The following RORC variants were observed in gnomAD, a reference collection of about 807,000 sequenced individuals.
RORC encodes RAR related orphan receptor C.
Under a neutral mutation model 64.5 loss-of-function variants are expected in RORC, and 13 were observed. The observed-to-expected ratio is 0.20, with a 90% confidence interval of 0.13 to 0.32. RORC has a LOEUF of 0.32. RORC is among the 10% of genes least tolerant of loss of function. The pLI, the probability that RORC is intolerant of heterozygous loss-of-function variation, is 1.00. For synonymous variants in RORC, 277 were observed against 259.3 expected, an observed-to-expected ratio of 1.07 and a Z score of -0.65; for missense variants, 468 against 669.5, an observed-to-expected ratio of 0.70 and a Z score of 3.32.
chr1:151,816,784 G>T lies in RORC; in HGVS notation c.178C>A (p.Arg60Ser). The change falls in exon 4 of 11, where the codon CGC (arginine) becomes AGC (serine). Residue 60 changes from arginine (R) to serine (S), a missense_variant. Arg to Ser is a moderately radical substitution (Grantham distance 110). Around this residue, in one of 5 missense-constraint regions of RORC, gnomAD observed 241 missense variants for 295.5 expected, o/e 0.82. Coordinates refer to ENST00000318247, the MANE Select transcript of RORC (RefSeq NM_005060.4). ...GCKGFFRRSQ[R>S]CNAAYSCTRQ... Reference sequence around the variant, plus strand: ...GTGCAGGAGTAGGCCGCGTTACAGCGCTGGCTCCGGCGGAAGAAGCCCTGG... The same window carrying T: ...GTGCAGGAGTAGGCCGCGTTACAGCTCTGGCTCCGGCGGAAGAAGCCCTGG... 3 of 1,550,648 alleles carry T rather than the reference G, an allele frequency of 1.9e-6. No homozygotes were observed. Among genetic ancestry groups the T allele is most frequent in the Non-Finnish European group, 2.6e-6 (3 of 1,142,878 alleles).
intron 9 of RORC, chr1:151,812,288 C>T (rs1651567542): frequency 6.6e-6 from 1 of 152,180 alleles, no homozygotes; most frequent in African/African-American, 2.4e-5. Context: ...AGAAACCATA[C>T]TTTGAATACC....
chr1:151,819,940 G>C (rs1176447159), intron 2 of RORC, among the ~76,000 whole-genome samples: 1 of 152,176 alleles, frequency 6.6e-6, no homozygotes. Context: ...AAGACTCTGA[G>C]CTAGAATGTC....
At chr1:151,809,701 C>T (rs2101651666) in intron 10 of RORC, among the ~76,000 whole-genome samples, 1 of 152,314 alleles carries the variant, frequency 6.6e-6, no homozygotes, top group East Asian at 1.9e-4. Flanking sequence ...TCCTTCAAAT[C>T]CATCCTGTAG....
chr1:151,826,559 T>G (rs1390387290), intron 2 of RORC, among the ~76,000 whole-genome samples: 1 of 152,150 alleles, frequency 6.6e-6, no homozygotes, highest in Non-Finnish European at 1.5e-5. Flanking sequence ...ACCACTCCCA[T>G]GCCCACGCTC....
intron 9 of RORC, chr1:151,812,130 C>G (rs1651561157): frequency 6.6e-6 from 1 of 152,178 alleles, no homozygotes; most frequent in African/African-American, 2.4e-5. Flanking sequence ...TTAGTTCACA[C>G]AGAGCAGTGA....
At chr1:151,809,931 G>T (rs4845587) in intron 10 of RORC, among the ~76,000 whole-genome samples, 100,639 of 152,050 alleles carry the variant, frequency 0.66, 33,888 homozygotes, top group South Asian at 0.77. Context: ...AAGCTTTAAC[G>T]CTTATATGGC....
chr1:151,810,532 G>GTTT (rs1558163063), intron 10 of RORC, among the ~76,000 whole-genome samples: 2 of 95,190 alleles, frequency 2.1e-5, no homozygotes, highest in East Asian at 3.4e-4. Context: ...GCTACAAGGA[G>GTTT]ATTTTTTTTT....
Position 151,807,707 on chromosome 1 carries a change from T to C in RORC, c.1396-74A>G. On this transcript the variant is annotated intron_variant, in intron 10 of 10. Transcript: ENST00000318247. This position sits in a 1 kb window ranked among gnomAD's most constrained non-coding sequence, Gnocchi z 5.0. ...CAGAGCAAAGAAGTCCGCTCATTCT[T>C]CCTGGGCTAGGACAAACCCTCCTTG... 1 of 1,520,454 alleles carries C rather than the reference T, an allele frequency of 6.6e-7. No homozygotes were observed. Among genetic ancestry groups the C allele is most frequent in the Non-Finnish European group, 9.0e-7 (1 of 1,113,108 alleles). The allele number at this position is 1,520,454 out of a possible 1,614,324, so 94.2% of individuals were successfully genotyped here. A position where few individuals can be genotyped will look rare whatever the true frequency, so the allele number is the denominator to read the frequency against.
chr1:151,816,694 TC>T lies in RORC; in HGVS notation c.267del (p.Lys90AsnfsTer88). 1 of 1,606,512 alleles carries T rather than the reference TC, an allele frequency of 6.2e-7. No homozygotes were observed. The highest frequency in any genetic ancestry group is 8.5e-7 in the Non-Finnish European group (1 of 1,176,716). On this transcript the variant is annotated frameshift_variant, in exon 4 of 11. Coordinates refer to ENST00000318247, the MANE Select transcript of RORC (RefSeq NM_005060.4). LOFTEE classifies it high-confidence loss of function. ...SRNRCQHCRLQKCLALGMSRD... is the reference protein window; with the variant it reads ...SRNRCQHCRLXKCLALGMSRD... ...CGGGACATGCCCAGCGCCAGGCATTTCTGCAGGCGGCAGTGCTGGCATCGGT... is the reference window on the plus strand; with the variant it reads ...CGGGACATGCCCAGCGCCAGGCATTTTGCAGGCGGCAGTGCTGGCATCGGT...
chr1:151,811,094 A>G (rs1651504573), intron 10 of RORC, among the ~76,000 whole-genome samples: 1 of 152,072 alleles, frequency 6.6e-6, no homozygotes, highest in African/African-American at 2.4e-5. Context: ...TATTAAACTG[A>G]ATTGTTCCCT....
At chr1:151,824,917 G>T (rs1024865176) in intron 2 of RORC, among the ~76,000 whole-genome samples, 1 of 152,174 alleles carries the variant, frequency 6.6e-6, no homozygotes, top group Non-Finnish European at 1.5e-5. Context: ...GACTCAATAC[G>T]GCCTCCCTTC....
At chr1:151,811,477 T>A (rs370236512) in intron 9 of RORC, 43 bp from the exon 10 acceptor site, 3 of 1,261,322 alleles carry the variant, frequency 2.4e-6, no homozygotes, top group East Asian at 2.3e-5. Context: ...AGAAAGAACA[T>A]GGACATTAAC....
intron 2 of RORC, among the ~76,000 whole-genome samples, chr1:151,825,559 C>T (rs943323781): frequency 6.6e-6 from 1 of 152,120 alleles, no homozygotes; most frequent in Non-Finnish European, 1.5e-5. Context: ...CAGGAGAGTG[C>T]GTTCAGGGCC....
intron 2 of RORC, among the ~76,000 whole-genome samples, chr1:151,821,989 G>A (rs773243775): frequency 2.0e-5 from 3 of 152,000 alleles, no homozygotes; most frequent in African/African-American, 2.4e-5. Context: ...CAGGGTTCCC[G>A]GGGACTCCTC....
chr1:151,816,536 C>T (rs916458608), intron 4 of RORC, 128 bp downstream of exon 4: 40 of 991,418 alleles, frequency 4.0e-5, no homozygotes, highest in East Asian at 6.0e-5. Context: ...GGGGTTGTAA[C>T]GGGGAGGAAT....
intron 10 of RORC, among the ~76,000 whole-genome samples, chr1:151,809,531 T>C (rs1572033729): frequency 6.6e-6 from 1 of 152,018 alleles, no homozygotes; most frequent in South Asian, 2.1e-4. Context: ...CAGATGAGGG[T>C]GGAACAGGGG....
Position 151,813,547 on chromosome 1 carries a change from TTG to T in RORC, c.1005_1006del (p.Lys336GlufsTer12). ...GAGCTCCATAAAGCCTGAGAGCCTC[TTG>T]GCGAACTCCACCACGTACTGAATGG... is the stretch of plus-strand genomic sequence containing the variant. On this transcript the variant is annotated frameshift_variant, in exon 7 of 11. Transcript: ENST00000318247. LOFTEE classifies it high-confidence loss of function. 1 of 1,614,176 alleles carries T rather than the reference TTG, an allele frequency of 6.2e-7. No individual in the cohort carries two copies.
chr1:151,812,730 C>T, intron 9 of RORC: 1 of 442,952 alleles, frequency 2.3e-6, no homozygotes, highest in Non-Finnish European at 4.0e-6. Context: ...CTCCCCACTT[C>T]CCACAACCCC....
rs1412197476 is a variant in RORC at position 151,812,875 on chromosome 1, C to A, written c.1285+72G>T. 6.2e-6 allele frequency: 6 copies of A among 968,952 alleles called. No individual in the cohort carries two copies. The African/African-American group carries it at 6.5e-5, about 10-fold the overall frequency. The allele number at this position is 968,952 out of a possible 1,614,324, so 60.0% of individuals were successfully genotyped here. The stretch of plus-strand genomic sequence containing the variant: ...CCCAGATTTAACTACATCTGAAGGT[C>A]TAGACTCTTCTTCAATATCTGCCAT... On this transcript the variant is annotated intron_variant, in intron 9 of 10. Coordinates refer to ENST00000318247, the MANE Select transcript of RORC (RefSeq NM_005060.4).
Sources: allele counts gnomAD v4.1 joint callset (sites outside exome capture counted in the v4.1 genomes callset), GRCh38; gene constraint gnomAD v4.1.1; regional missense constraint gnomAD v4.1.1; non-coding constraint Gnocchi (gnomAD v3.1); transcripts MANE v1.5; gene names NCBI Gene and HGNC (gene_info 2026-07-23, HGNC 2026-07-21).